Variants in CACNG7 observed in about 807,000 individuals in gnomAD.
CACNG7 encodes the protein calcium voltage-gated channel auxiliary subunit gamma 7.
A neutral mutation model predicts 26.3 loss-of-function variants in CACNG7; 9 were observed. The observed-to-expected ratio is 0.34, with a 90% CI of 0.21 to 0.60. The LOEUF is 0.60. CACNG7 is among the 20% of genes least tolerant of loss of function. The pLI is 0.81. For missense variants in CACNG7, 297 were observed against 380.4 expected (o/e 0.78, Z 1.82); for synonymous variants, 170 against 157.0 (o/e 1.08, Z -0.62).
intron 4 of CACNG7, among the ~76,000 whole-genome samples, chr19:53,922,753 G>C (rs1455673763): frequency 1.5e-5 from 1 of 65,678 alleles, no homozygotes; most frequent in Non-Finnish European, 2.7e-5. Flanking sequence ...TCCCAGGTCT[G>C]GTCATTGGTG....
rs1157941961 is a variant in CACNG7 at position 53,929,111 on chromosome 19, C to CAA, written c.425-12350_425-12349dup. Among the ~76,000 whole-genome samples, 15 of 36,382 alleles carry CAA rather than the reference C, an allele frequency of 4.1e-4. 1 individual carries two copies. Among genetic ancestry groups the CAA allele is most frequent in the African/African-American group, 6.7e-4 (5 of 7,508 alleles). 23.9% of individuals were successfully genotyped at this position (36,382 alleles called of 152,430 possible). ...TGGGTGACACAGTGAGACTCCACCT[C>CAA]AAAAAAAAAACAAAAAAAAAAAAAA... On this transcript the variant is annotated intron_variant, in intron 4 of 5. Coordinates refer to ENST00000391767, the MANE Select transcript of CACNG7 (RefSeq NM_031896.5).
intron 4 of CACNG7, among the ~76,000 whole-genome samples, chr19:53,925,494 G>T (rs1226208444): frequency 1.5e-4 from 22 of 150,438 alleles, no homozygotes; most frequent in Non-Finnish European, 8.9e-5. Flanking sequence ...GCTGGTCATT[G>T]GTGGACTTGC....
At chr19:53,927,603 C>T (rs1393129794) in intron 4 of CACNG7, among the ~76,000 whole-genome samples, 2 of 151,968 alleles carry the variant, frequency 1.3e-5, no homozygotes, top group South Asian at 2.1e-4. Context: ...ATTGGGAGGC[C>T]GAGGCAGGCA....
chr19:53,925,264 C>T (rs1176687592), intron 4 of CACNG7, among the ~76,000 whole-genome samples: 10 of 141,800 alleles, frequency 7.1e-5, no homozygotes, highest in East Asian at 4.3e-4. Context: ...GGTGGAGTTG[C>T]CCCAGGTCTG....
Position 53,920,030 on chromosome 19 carries a change from T to G in CACNG7, c.424+4525T>G, listed in dbSNP as rs993848726. Among the ~76,000 whole-genome samples the G allele has an allele frequency of 5.5e-5, 7 of 127,888 alleles. 1 individual carries two copies. Among genetic ancestry groups the G allele is most frequent in the African/African-American group, 2.5e-4 (7 of 28,240 alleles). 83.9% of individuals were successfully genotyped at this position (127,888 alleles called of 152,430 possible). On this transcript the variant is annotated intron_variant, in intron 4 of 5. Coordinates refer to ENST00000391767, the MANE Select transcript of CACNG7 (RefSeq NM_031896.5). ...CCCCAGGTCTGGTCATTGGTGGACTTGCCCCAGGCTGGTCATTGGTGGACT... is the reference window on the plus strand; with the variant it reads ...CCCCAGGTCTGGTCATTGGTGGACTGGCCCCAGGCTGGTCATTGGTGGACT...
rs1009491295 is a variant in CACNG7, at chr19:53,933,297, A to AT, written c.425-8152dup. On this transcript the variant is annotated intron_variant, in intron 4 of 5. Coordinates refer to ENST00000391767, the MANE Select transcript of CACNG7 (RefSeq NM_031896.5). ...AGGTGCCCGCCACCACGCCTGGCCA[A>AT]TTTTTTTTTTTTTTTTTTTTTGAGA... is the stretch of plus-strand genomic sequence containing the variant. Among the ~76,000 whole-genome samples the AT allele has an allele frequency of 6.3e-3, 788 of 126,058 alleles. 12 individuals carry two copies. Among genetic ancestry groups the AT allele is most frequent in the East Asian group, 0.015 (66 of 4,402 alleles). 82.7% of individuals were successfully genotyped at this position (126,058 alleles called of 152,430 possible). A position where few individuals can be genotyped will look rare whatever the true frequency, so the allele number is the denominator to read the frequency against.
In CACNG7 at chr19:53,942,577, A is replaced by ACCG; in HGVS notation, c.*284_*285insCCG. ...CCCTTTCCTCTGGCCCCTCCTCTCC[A>ACCG]AGAAAATTAGCTCCTCCCTCGTTCT... On this transcript the variant is annotated 3_prime_UTR_variant, in exon 6 of 6. Coordinates refer to ENST00000391767, the MANE Select transcript of CACNG7 (RefSeq NM_031896.5). The surrounding 1 kb of genome is among the most constrained non-coding windows in gnomAD (Gnocchi z 5.9). 20 of 1,308,872 alleles carry ACCG rather than the reference A, an allele frequency of 1.5e-5. No homozygotes were observed. Among genetic ancestry groups the ACCG allele is most frequent in the Admixed American group, 7.1e-5 (2 of 28,266 alleles). The allele number at this position is 1,308,872 out of a possible 1,614,324, so 81.1% of individuals were successfully genotyped here.
Position 53,911,147 on chromosome 19 carries a change from A to T in CACNG7, c.-30+1630A>T, listed in dbSNP as rs546195384. On this transcript the variant is annotated intron_variant, in intron 1 of 5. Coordinates refer to ENST00000391767, the MANE Select transcript of CACNG7 (RefSeq NM_031896.5). ...AATGGTGCTATCTCGGCTCACTGCAACCTTGCCTCTCAGGTTCAAGCTATT... is the reference window on the plus strand; with the variant it reads ...AATGGTGCTATCTCGGCTCACTGCATCCTTGCCTCTCAGGTTCAAGCTATT... 1.1e-4 allele frequency among the ~76,000 whole-genome samples: 16 copies of T among 151,864 alleles called. 2 individuals are homozygous for T. In the South Asian group the frequency reaches 3.3e-3, roughly 32 times the overall value.
chr19:53,914,360 A>T (rs2068881183), intron 2 of CACNG7, 140 bp from the exon 3 acceptor site: 1 of 640,020 alleles, frequency 1.6e-6, no homozygotes, highest in African/African-American at 1.8e-5. Flanking sequence ...ACACCCCTGG[A>T]GTAGTACAGC....
intron 4 of CACNG7, among the ~76,000 whole-genome samples, chr19:53,925,104 G>GT (rs2069015505): frequency 2.4e-5 from 2 of 83,304 alleles, no homozygotes; most frequent in African/African-American, 6.3e-5. Flanking sequence ...TGGTGGACTT[G>GT]CCTAGGGCTG....
At chr19:53,917,668 C>T (rs186360397) in intron 4 of CACNG7, among the ~76,000 whole-genome samples, 20 of 152,090 alleles carry the variant, frequency 1.3e-4, no homozygotes, top group Non-Finnish European at 4.4e-5. Context: ...AGTGTGAGAG[C>T]GGAAAGGTCT....
intron 4 of CACNG7, among the ~76,000 whole-genome samples, chr19:53,921,408 T>C (rs2068950215): frequency 6.8e-6 from 1 of 147,824 alleles, no homozygotes; most frequent in Non-Finnish European, 1.5e-5. Context: ...GGTCTGGTCA[T>C]TGGTGGAGTT....
chr19:53,940,930 G>A lies in CACNG7; in HGVS notation c.425-540G>A, dbSNP rs1163231064. 8.6e-5 allele frequency among the ~76,000 whole-genome samples: 13 copies of A among 151,812 alleles called. No individual in the cohort carries two copies. The highest frequency in any genetic ancestry group is 2.4e-4 in the African/African-American group (10 of 41,324). On this transcript the variant is annotated intron_variant, in intron 4 of 5. Coordinates refer to ENST00000391767, the MANE Select transcript of CACNG7 (RefSeq NM_031896.5). The surrounding 1 kb of genome is among the most constrained non-coding windows in gnomAD (Gnocchi z 4.1). The stretch of plus-strand genomic sequence containing the variant: ...AAAAAAATTAGTCGGGAGTGGTGGC[G>A]GGCGCCTGTAATCCCAGCTACTTGG...
intron 4 of CACNG7, among the ~76,000 whole-genome samples, chr19:53,916,999 T>A (rs2068903148): frequency 6.6e-6 from 1 of 152,116 alleles, no homozygotes; most frequent in South Asian, 2.1e-4. Flanking sequence ...GGTTTTGCCA[T>A]GTTGGCCAGG....
chr19:53,920,866 C>A (rs1216911771), intron 4 of CACNG7, among the ~76,000 whole-genome samples: 1 of 104,050 alleles, frequency 9.6e-6, no homozygotes, highest in Non-Finnish European at 1.9e-5. Flanking sequence ...TGCCCCAGGT[C>A]TGGTCATTGG....
intron 4 of CACNG7, among the ~76,000 whole-genome samples, chr19:53,923,040 C>T (rs74197980): frequency 8.5e-6 from 1 of 117,274 alleles, no homozygotes; most frequent in Admixed American, 7.6e-5. Flanking sequence ...TGCAGTTGTC[C>T]CAGGCCTGGT....
intron 4 of CACNG7, among the ~76,000 whole-genome samples, chr19:53,934,535 G>T (rs1327227667): frequency 6.6e-6 from 1 of 152,094 alleles, no homozygotes; most frequent in Admixed American, 6.6e-5. Flanking sequence ...AGCAGTTTGG[G>T]ATTCCGAGGC....
chr19:53,911,383 T>C (rs3898466), intron 1 of CACNG7, among the ~76,000 whole-genome samples: 35,453 of 151,838 alleles, frequency 0.23, 10,296 homozygotes, highest in African/African-American at 0.69. Context: ...CTGATTTTGA[T>C]GTTCTGGAAT....
At chr19:53,929,518 A>G (rs890838889) in intron 4 of CACNG7, among the ~76,000 whole-genome samples, 5 of 152,022 alleles carry the variant, frequency 3.3e-5, no homozygotes, top group Non-Finnish European at 5.9e-5. Flanking sequence ...GTGCAGCAGC[A>G]TAATCTCAGC....
Sources: gnomAD v4.1 joint callset for allele counts (sites outside exome capture counted in the v4.1 genomes callset) on GRCh38, gnomAD v4.1.1 for gene constraint, Gnocchi (gnomAD v3.1) non-coding constraint, MANE v1.5 for transcripts, NCBI Gene and HGNC (gene_info 2026-07-23, HGNC 2026-07-21) for gene names.